The following DPP6 variants were observed in gnomAD, a reference collection of about 807,000 sequenced individuals.
The protein encoded by DPP6 is A-type potassium channel modulatory protein DPP6.
DPP6 carries 69 observed loss-of-function variants against 122.6 expected under a neutral mutation model. The ratio of observed to expected loss-of-function variants is 0.56; its 90% CI spans 0.46 to 0.69. The LOEUF is 0.69. DPP6 is among the 30% of genes least tolerant of loss of function. The pLI is 0.00. For synonymous variants in DPP6, 418 were observed against 433.1 expected, an observed-to-expected ratio of 0.97 and a Z score of 0.43; for missense variants, 928 against 1,116.9, an observed-to-expected ratio of 0.83 and a Z score of 2.41.
intron 1 of DPP6, among the ~76,000 whole-genome samples, chr7:154,214,979 C>A (rs4268036): frequency 0.84 from 128,277 of 152,184 alleles, 54,197 homozygotes; most frequent in African/African-American, 0.85. Flanking sequence ...CCTAGTGTAC[C>A]GAAGCAGCCT....
chr7:154,623,677 G>A (rs1213541944), intron 5 of DPP6, among the ~76,000 whole-genome samples: 1 of 151,462 alleles, frequency 6.6e-6, no homozygotes, highest in African/African-American at 2.4e-5. Context: ...ACACACACAC[G>A]CACATGCACA....
At chr7:154,850,195 C>CCCTTTCCT (rs1802261049) in intron 16 of DPP6, among the ~76,000 whole-genome samples, 1 of 152,190 alleles carries the variant, frequency 6.6e-6, no homozygotes. Context: ...CCCCCTCCTC[C>CCCTTTCCT]CCTTTCCTCC....
chr7:153,912,162 A>C (rs973564427), intron 1 of DPP6, among the ~76,000 whole-genome samples: 2 of 152,252 alleles, frequency 1.3e-5, no homozygotes, highest in East Asian at 1.9e-4. Context: ...GTGGCTTCAT[A>C]TCAGTTCCTG....
chr7:154,131,963 C>T (rs1231227400), intron 1 of DPP6, among the ~76,000 whole-genome samples: 4 of 152,202 alleles, frequency 2.6e-5, no homozygotes, highest in Non-Finnish European at 5.9e-5. Context: ...CTCTTACATA[C>T]ACACAACTTT....
intron 1 of DPP6, among the ~76,000 whole-genome samples, chr7:154,254,302 GT>G (rs936696269): frequency 2.6e-5 from 4 of 152,010 alleles, no homozygotes; most frequent in Admixed American, 6.6e-5. Context: ...TTATATTGTT[GT>G]TTGATTTTGT....
Position 154,230,364 on chromosome 7 carries a change from A to G in DPP6, c.243+177301A>G, listed in dbSNP as rs531475321. On this transcript the variant is annotated intron_variant, in intron 1 of 25. Transcript: ENST00000377770. ...GATAAGCTAGACCTTGATTAGATGCAGAGAACTGTCATTAGAGATGAGTTT... is the reference window on the plus strand; with the variant it reads ...GATAAGCTAGACCTTGATTAGATGCGGAGAACTGTCATTAGAGATGAGTTT... Among the ~76,000 whole-genome samples the G allele has an allele frequency of 4.6e-5, 7 of 152,384 alleles. No individual in the cohort carries two copies. The South Asian group carries it at 1.4e-3, about 32-fold the overall frequency.
intron 1 of DPP6, among the ~76,000 whole-genome samples, chr7:153,927,768 T>C (rs2129011640): frequency 6.6e-6 from 1 of 152,300 alleles, no homozygotes; most frequent in East Asian, 1.9e-4. Flanking sequence ...GCCATGGATC[T>C]TCTGGATAGC....
chr7:154,321,984 G>C (rs927838935), intron 1 of DPP6, among the ~76,000 whole-genome samples: 1 of 151,930 alleles, frequency 6.6e-6, no homozygotes, highest in African/African-American at 2.4e-5. Context: ...CCTCCTGTGG[G>C]CACTCTATTG....
upstream of DPP6, among the ~76,000 whole-genome samples, chr7:153,882,707 C>A (rs1351018748): frequency 6.6e-6 from 1 of 152,196 alleles, no homozygotes; most frequent in African/African-American, 2.4e-5. Context: ...TGCCAGGAGT[C>A]AACACTAGGC....
intron 1 of DPP6, among the ~76,000 whole-genome samples, chr7:154,389,125 G>A (rs1354074354): frequency 6.6e-6 from 1 of 152,162 alleles, no homozygotes; most frequent in Non-Finnish European, 1.5e-5. Context: ...CTCACCTTAT[G>A]TATCTGATTT....
At chr7:154,473,011 G>A (rs1233955716) in intron 2 of DPP6, among the ~76,000 whole-genome samples, 2 of 152,222 alleles carry the variant, frequency 1.3e-5, no homozygotes, top group East Asian at 1.9e-4. Flanking sequence ...TGTTTAAATG[G>A]CAGTCTTACA....
intron 1 of DPP6, among the ~76,000 whole-genome samples, chr7:153,988,498 T>C (rs919327567): frequency 8.5e-5 from 13 of 152,308 alleles, no homozygotes; most frequent in Middle Eastern, 3.4e-3. Flanking sequence ...TTGTGGAGGC[T>C]TGCACATTTG....
chr7:154,881,124 A>AT (rs1398801076), intron 21 of DPP6, 182 bp downstream of exon 21: 3 of 1,062,854 alleles, frequency 2.8e-6, no homozygotes, highest in African/African-American at 1.6e-5. Context: ...TGATCAGCTC[A>AT]TTTTCCTAAG....
intron 1 of DPP6, among the ~76,000 whole-genome samples, chr7:154,386,180 T>G (rs1407694249): frequency 6.6e-6 from 1 of 152,138 alleles, no homozygotes; most frequent in Non-Finnish European, 1.5e-5. Flanking sequence ...ATCGGTATTA[T>G]GAGGTTTAAT....
intron 5 of DPP6, among the ~76,000 whole-genome samples, chr7:154,586,329 AG>A (rs1832444904): frequency 6.6e-6 from 1 of 152,198 alleles, no homozygotes; most frequent in Non-Finnish European, 1.5e-5. Context: ...GAGCTTTCCC[AG>A]GATGGCCATT....
chr7:154,677,297 C>T (rs1361181154), intron 7 of DPP6, among the ~76,000 whole-genome samples: 1 of 152,114 alleles, frequency 6.6e-6, no homozygotes, highest in Non-Finnish European at 1.5e-5. Flanking sequence ...GAGCATCTGC[C>T]AGTGATCCAG....
intron 1 of DPP6, among the ~76,000 whole-genome samples, chr7:154,157,437 T>C (rs1369877489): frequency 2.6e-5 from 4 of 152,114 alleles, no homozygotes; most frequent in Admixed American, 1.3e-4. Context: ...TTCGTGTTTG[T>C]TTTTCATTGT....
chr7:154,872,382 C>T (rs1043664530), intron 18 of DPP6, among the ~76,000 whole-genome samples: 13 of 152,204 alleles, frequency 8.5e-5, no homozygotes, highest in African/African-American at 3.1e-4. Context: ...CAGTGCACTC[C>T]CATATGCAAG....
At chr7:154,529,467 CAGAA>C (rs71889557) in intron 3 of DPP6, among the ~76,000 whole-genome samples, 18,587 of 152,188 alleles carry the variant, frequency 0.12, 1,366 homozygotes, top group Non-Finnish European at 0.16. Flanking sequence ...CCAGAATGTC[CAGAA>C]ATTAATATCC....
Sources: allele counts gnomAD v4.1 joint callset (sites outside exome capture counted in the v4.1 genomes callset), GRCh38; gene constraint gnomAD v4.1.1; transcripts MANE v1.5; gene names NCBI Gene and HGNC (gene_info 2026-07-23, HGNC 2026-07-21).